RAP1B: variants seen among roughly 807,000 people sequenced by gnomAD.
The protein encoded by RAP1B is ras-related protein Rap-1b.
A neutral mutation model predicts 27.5 loss-of-function variants in RAP1B; 1 was observed. The observed-to-expected ratio is 0.04, with a 90% CI of 0.01 to 0.17. RAP1B has a LOEUF of 0.17. Ranked by LOEUF, RAP1B falls within the 10% of genes least tolerant of loss-of-function variation. The probability of loss-of-function intolerance (pLI) is 1.00; values close to 1 mark genes in which losing one functional copy is unlikely to be tolerated. For missense variants in RAP1B, 84 were observed against 214.8 expected (o/e 0.39, Z 3.81); for synonymous variants, 75 against 73.1 (o/e 1.03, Z -0.13).
intron 1 of RAP1B, among the ~76,000 whole-genome samples, chr12:68,643,445 GTA>G (rs1339141998): frequency 6.6e-6 from 1 of 152,106 alleles, no homozygotes; most frequent in Non-Finnish European, 1.5e-5. Flanking sequence ...TTTACATTGA[GTA>G]TTTCTTTTTC....
chr12:68,654,425 A>G (rs544447345), intron 5 of RAP1B, among the ~76,000 whole-genome samples, 173 bp downstream of exon 5: 1 of 151,284 alleles, frequency 6.6e-6, no homozygotes, highest in East Asian at 1.9e-4. Flanking sequence ...TCAAATATAT[A>G]TCATGTGGAA....
At chr12:68,619,087 A>G (rs1440596096) in intron 1 of RAP1B, among the ~76,000 whole-genome samples, 1 of 152,196 alleles carries the variant, frequency 6.6e-6, no homozygotes, top group African/African-American at 2.4e-5. Context: ...GTGACAGAGC[A>G]AGACCCTGTC....
chr12:68,654,099 C>CT lies in RAP1B; in HGVS notation c.184-10dup. The CT allele has an allele frequency of 6.4e-7, 1 of 1,567,706 alleles. No individual in the cohort carries two copies. The highest frequency in any genetic ancestry group is 1.1e-5 in the South Asian group (1 of 87,446). On this transcript the variant is annotated splice_polypyrimidine_tract_variant and intron_variant, in intron 4 of 7. Transcript: ENST00000250559. The stretch of plus-strand genomic sequence containing the variant: ...CATTATTGTTTTTTAACGTTCCTTT[C>CT]TTTCTATTGTAGGAGCAATTTACAG...
chr12:68,660,539 T>C lies in RAP1B; in HGVS notation c.*1290T>C, dbSNP rs1874540712. The C allele has an allele frequency of 2.6e-5, 4 of 152,676 alleles. No individual in the cohort carries two copies. The highest frequency in any genetic ancestry group is 2.0e-4 in the Admixed American group (3 of 15,292). 9.5% of individuals were successfully genotyped at this position (152,676 alleles called of 1,614,324 possible). A position where few individuals can be genotyped will look rare whatever the true frequency, so the allele number is the denominator to read the frequency against. ...GCATTATAATTACTTGCCACTTGAA[T>C]GTGTTTTGTGTAATGTTTTAACAGT... On this transcript the variant is annotated 3_prime_UTR_variant, in exon 8 of 8. Transcript: ENST00000250559.
intron 1 of RAP1B, chr12:68,626,910 T>C (rs190913356): frequency 3.5e-5 from 55 of 1,567,006 alleles, no homozygotes; most frequent in Admixed American, 2.7e-4. Flanking sequence ...AGGGCCACGA[T>C]TGGAAATGTA....
chr12:68,668,981 T>C lies in RAP1B; in HGVS notation c.*9732T>C, dbSNP rs1874960626. 1 of 152,214 alleles carries C rather than the reference T, an allele frequency of 6.6e-6. No individual in the cohort carries two copies. The highest frequency in any genetic ancestry group is 1.5e-5 in the Non-Finnish European group (1 of 68,032). 9.4% of individuals were successfully genotyped at this position (152,214 alleles called of 1,614,324 possible). ...CCTAATAGAGCTAATGAATGCATTA[T>C]ATCAAAAGAATGAAATGTTAAATAT... On this transcript the variant is annotated 3_prime_UTR_variant, in exon 8 of 8. Coordinates refer to ENST00000250559, the MANE Select transcript of RAP1B (RefSeq NM_001010942.3).
chr12:68,654,281 T>C, intron 5 of RAP1B, 29 bp downstream of exon 5: 1 of 1,331,558 alleles, frequency 7.5e-7, no homozygotes, highest in Non-Finnish European at 1.0e-6. Context: ...AAATATATTT[T>C]ATTTCAAAAC....
intron 1 of RAP1B, among the ~76,000 whole-genome samples, chr12:68,639,756 CCT>C (rs1024270661): frequency 1.3e-5 from 2 of 152,170 alleles, no homozygotes; most frequent in Non-Finnish European, 2.9e-5. Context: ...CATTTATGCC[CCT>C]TTTTGCAGAG....
At chr12:68,631,229 A>G (rs1872214913) in intron 1 of RAP1B, among the ~76,000 whole-genome samples, 1 of 152,202 alleles carries the variant, frequency 6.6e-6, no homozygotes, top group East Asian at 1.9e-4. Context: ...TATTGAATAA[A>G]GCTGAAATTA....
At chr12:68,615,699 T>C (rs1443461430) in intron 1 of RAP1B, among the ~76,000 whole-genome samples, 1 of 152,198 alleles carries the variant, frequency 6.6e-6, no homozygotes, top group Non-Finnish European at 1.5e-5. Context: ...TCTTGTGAGT[T>C]TGAGTTTTAT....
At chr12:68,644,315 G>A (rs1233592174) in intron 1 of RAP1B, among the ~76,000 whole-genome samples, 1 of 152,156 alleles carries the variant, frequency 6.6e-6, no homozygotes, top group Non-Finnish European at 1.5e-5. Flanking sequence ...AGTGGGCCGG[G>A]CACGGTGGCT....
chr12:68,616,183 G>C (rs1036414279), intron 1 of RAP1B, among the ~76,000 whole-genome samples: 3 of 152,110 alleles, frequency 2.0e-5, no homozygotes, highest in Non-Finnish European at 4.4e-5. Flanking sequence ...AGGATGGTCT[G>C]GATCTCCTGA....
At chr12:68,654,504 T>C (rs1874057968) in intron 5 of RAP1B, among the ~76,000 whole-genome samples, 1 of 151,972 alleles carries the variant, frequency 6.6e-6, no homozygotes, top group South Asian at 2.1e-4. Context: ...TTTTTTTTTT[T>C]CCTTTGAGAT....
intron 1 of RAP1B, among the ~76,000 whole-genome samples, chr12:68,628,516 C>G (rs11177315): frequency 0.25 from 37,622 of 152,050 alleles, 5,495 homozygotes; most frequent in Non-Finnish European, 0.34. Context: ...AAACCTTGTC[C>G]AATGCGTGAT....
chr12:68,656,857 C>G (rs2135970288), intron 6 of RAP1B, among the ~76,000 whole-genome samples: 1 of 152,164 alleles, frequency 6.6e-6, no homozygotes, highest in South Asian at 2.1e-4. Context: ...GGTAAATGTT[C>G]TAATTGAACT....
intron 1 of RAP1B, among the ~76,000 whole-genome samples, chr12:68,645,279 C>T (rs1592455845): frequency 6.6e-6 from 1 of 152,294 alleles, no homozygotes; most frequent in East Asian, 1.9e-4. Context: ...GTGACTTGCC[C>T]AAGATTATAG....
intron 1 of RAP1B, among the ~76,000 whole-genome samples, chr12:68,619,182 C>T (rs1457580908): frequency 7.2e-5 from 11 of 152,172 alleles, no homozygotes; most frequent in South Asian, 2.1e-4. Context: ...TTGAGTCACA[C>T]GCTGAATCAA....
chr12:68,639,887 C>A (rs1872877908), intron 1 of RAP1B, among the ~76,000 whole-genome samples: 1 of 151,530 alleles, frequency 6.6e-6, no homozygotes, highest in Non-Finnish European at 1.5e-5. Context: ...CTGTGCTAGG[C>A]TGGAGTGCAG....
At chr12:68,624,235 A>C (rs1275445738) in intron 1 of RAP1B, among the ~76,000 whole-genome samples, 1 of 152,134 alleles carries the variant, frequency 6.6e-6, no homozygotes, top group Non-Finnish European at 1.5e-5. Context: ...TGGGAGAATC[A>C]CCTCATTCTA....
Sources: allele counts gnomAD v4.1 joint callset (sites outside exome capture counted in the v4.1 genomes callset), GRCh38; gene constraint gnomAD v4.1.1; transcripts MANE v1.5; gene names NCBI Gene and HGNC (gene_info 2026-07-23, HGNC 2026-07-21).